Variants in LGSN observed in about 807,000 individuals in gnomAD.
LGSN encodes lengsin.
A neutral mutation model predicts 19.5 loss-of-function variants in LGSN; 21 were observed. The ratio of observed to expected loss-of-function variants is 1.07; its 90% CI spans 0.76 to 1.55. LGSN has a LOEUF of 1.55. Ranked by LOEUF, LGSN falls within the 40% of genes most tolerant of loss-of-function variation. LGSN has a pLI of 0.00. For synonymous variants in LGSN, 257 were observed against 215.6 expected (o/e 1.19, Z -1.68); for missense variants, 673 against 608.5 (o/e 1.11, Z -1.12).
chr6:63,437,521 A>T, the LGSN span, among the ~76,000 whole-genome samples: 309 of 152,348 alleles, frequency 2.0e-3, no homozygotes, highest in Non-Finnish European at 2.9e-3. Flanking sequence ...TCTAGTGAAG[A>T]AAAGGAACTC....
At chr6:63,390,324 T>A in the LGSN span, among the ~76,000 whole-genome samples, 1 of 151,338 alleles carries the variant, frequency 6.6e-6, no homozygotes, top group South Asian at 2.1e-4. Flanking sequence ...GAGATGGGTT[T>A]TCACCATGTT....
chr6:63,289,552 A>G (rs1767685575), intron 2 of LGSN, among the ~76,000 whole-genome samples: 1 of 152,008 alleles, frequency 6.6e-6, no homozygotes, highest in South Asian at 2.1e-4. Context: ...CAGAGGATTA[A>G]TAAATTAAAT....
the LGSN span, chr6:63,395,582 G>A: frequency 6.5e-6 from 1 of 152,934 alleles, no homozygotes; most frequent in African/African-American, 2.4e-5. Flanking sequence ...CAGCCACTCT[G>A]GGCTGGCTCC....
At chr6:63,505,858 C>A in the LGSN span, among the ~76,000 whole-genome samples, 1 of 152,054 alleles carries the variant, frequency 6.6e-6, no homozygotes, top group Non-Finnish European at 1.5e-5. Context: ...CAGGGTTTCA[C>A]CATAGTGGCC....
chr6:63,371,785 A>G, the LGSN span, among the ~76,000 whole-genome samples: 1 of 152,232 alleles, frequency 6.6e-6, no homozygotes, highest in African/African-American at 2.4e-5. Context: ...CTGGATTTAG[A>G]CAATGTAATT....
the LGSN span, among the ~76,000 whole-genome samples, chr6:63,437,113 G>C: frequency 2.6e-5 from 1 of 38,542 alleles, no homozygotes; most frequent in East Asian, 1.1e-3. Flanking sequence ...AGAAGGAAAA[G>C]AAAGGGAGAA....
chr6:63,421,443 G>T, the LGSN span, among the ~76,000 whole-genome samples: 1 of 144,886 alleles, frequency 6.9e-6, no homozygotes, highest in African/African-American at 2.6e-5. Context: ...AAATTATTCA[G>T]TCGGGGCCAG....
chr6:63,346,753 C>G, the LGSN span, among the ~76,000 whole-genome samples: 1 of 151,666 alleles, frequency 6.6e-6, no homozygotes, highest in Non-Finnish European at 1.5e-5. Flanking sequence ...GTAGATATTA[C>G]CAGAACTGAA....
chr6:63,411,587 C>A, the LGSN span, among the ~76,000 whole-genome samples: 13 of 152,112 alleles, frequency 8.5e-5, no homozygotes, highest in African/African-American at 2.7e-4. Context: ...CACCTGTAAT[C>A]CGAGTACTTT....
chr6:63,435,908 TAAAAAAA>T, the LGSN span, among the ~76,000 whole-genome samples: 3 of 138,338 alleles, frequency 2.2e-5, no homozygotes, highest in African/African-American at 2.6e-5. Flanking sequence ...TCATCCAAAT[TAAAAAAA>T]AAAAAAAAAA....
the LGSN span, among the ~76,000 whole-genome samples, chr6:63,388,055 T>C: frequency 6.6e-6 from 1 of 151,120 alleles, no homozygotes; most frequent in African/African-American, 2.4e-5. Flanking sequence ...TTTTTTTTTT[T>C]AGTAGAGATG....
the LGSN span, among the ~76,000 whole-genome samples, chr6:63,389,990 A>G: frequency 2.0e-5 from 3 of 152,078 alleles, no homozygotes; most frequent in African/African-American, 4.8e-5. Context: ...AGCCTAAAGA[A>G]AACACACCTT....
At chr6:63,334,145 T>G in the LGSN span, among the ~76,000 whole-genome samples, 6 of 152,026 alleles carry the variant, frequency 3.9e-5, no homozygotes, top group Non-Finnish European at 7.4e-5. Context: ...AAGAAAGAAA[T>G]AAAAGGCATC....
At chr6:63,455,838 G>T in the LGSN span, among the ~76,000 whole-genome samples, 1 of 152,172 alleles carries the variant, frequency 6.6e-6, no homozygotes, top group South Asian at 2.1e-4. Flanking sequence ...ACTTTGGGAG[G>T]CTGAGGCAGG....
the LGSN span, among the ~76,000 whole-genome samples, chr6:63,336,065 G>A: frequency 1.3e-5 from 2 of 152,302 alleles, no homozygotes; most frequent in East Asian, 1.9e-4. Context: ...ATCGCAAACT[G>A]GTAAGATTGA....
chr6:63,329,266 C>T, the LGSN span, among the ~76,000 whole-genome samples: 30 of 152,230 alleles, frequency 2.0e-4, no homozygotes, highest in Admixed American at 9.8e-4. Context: ...TAAGTTGGGA[C>T]GTGTGGTCTG....
At chr6:63,308,030 C>T (rs949880409) in intron 1 of LGSN, among the ~76,000 whole-genome samples, 11 of 152,074 alleles carry the variant, frequency 7.2e-5, no homozygotes, top group Admixed American at 3.9e-4. Flanking sequence ...CAGAAGAGGG[C>T]GCATTTCAGC....
At chr6:63,444,233 A>G in the LGSN span, among the ~76,000 whole-genome samples, 11 of 152,190 alleles carry the variant, frequency 7.2e-5, no homozygotes, top group Middle Eastern at 3.4e-3. Context: ...AAAAAAAAAT[A>G]GATATGGAAA....
the LGSN span, among the ~76,000 whole-genome samples, chr6:63,559,757 A>G: frequency 1.3e-5 from 2 of 152,010 alleles, no homozygotes; most frequent in African/African-American, 2.4e-5. Flanking sequence ...AAGAGGAAAA[A>G]AAAAATGAAT....
Sources: allele counts gnomAD v4.1 joint callset (sites outside exome capture counted in the v4.1 genomes callset), GRCh38; gene constraint gnomAD v4.1.1; transcripts MANE v1.5; gene names NCBI Gene and HGNC (gene_info 2026-07-23, HGNC 2026-07-21).